KCNK17: variants seen among roughly 807,000 people sequenced by gnomAD.
KCNK17 encodes potassium two pore domain channel subfamily K member 17.
KCNK17 carries 27 observed loss-of-function variants against 24.6 expected under a neutral mutation model. The observed-to-expected ratio is 1.10, with a 90% confidence interval of 0.81 to 1.51. The LOEUF is 1.51. Among genes scored for constraint, KCNK17 ranks in the 40% most tolerant of loss-of-function variants. The pLI is 0.00. For missense variants in KCNK17, 450 were observed against 436.6 expected, an observed-to-expected ratio of 1.03 and a Z score of -0.27; for synonymous variants, 181 against 189.8, an observed-to-expected ratio of 0.95 and a Z score of 0.38.
rs58519096 is a variant in KCNK17, at chr6:39,313,032, G to A, written c.237+1052C>T. Among the ~76,000 whole-genome samples, 1,284 of 152,310 alleles carry A rather than the reference G, an allele frequency of 8.4e-3. 19 individuals carry two copies. The highest frequency in any genetic ancestry group is 0.029 in the African/African-American group (1,218 of 41,556). Reference sequence around the variant, plus strand: ...TTCCGGGGATTGGCTTTGGACTGGAGACTCTGGACGGATAAGCCACCAGGA... The same window carrying A: ...TTCCGGGGATTGGCTTTGGACTGGAAACTCTGGACGGATAAGCCACCAGGA... On this transcript the variant is annotated intron_variant, in intron 1 of 4. Coordinates refer to ENST00000373231, the MANE Select transcript of KCNK17 (RefSeq NM_031460.4).
intron 2 of KCNK17, among the ~76,000 whole-genome samples, chr6:39,306,856 C>T (rs1762047205): frequency 6.6e-6 from 1 of 151,614 alleles, no homozygotes. Flanking sequence ...CCTCTGACTC[C>T]CTGGTTTCAG....
intron 1 of KCNK17, among the ~76,000 whole-genome samples, chr6:39,311,355 G>A (rs1544050): frequency 0.6 from 91,677 of 151,964 alleles, 27,770 homozygotes; most frequent in South Asian, 0.72. Context: ...TAGGCCAGGC[G>A]TGATGTGTGG....
intron 1 of KCNK17, among the ~76,000 whole-genome samples, chr6:39,311,379 C>T (rs1762137017): frequency 6.6e-6 from 1 of 152,110 alleles, no homozygotes; most frequent in East Asian, 1.9e-4. Context: ...TTTTAGGGGA[C>T]GTGACCACAA....
At chr6:39,305,801 C>T (rs1165813889) in intron 2 of KCNK17, among the ~76,000 whole-genome samples, 2 of 152,176 alleles carry the variant, frequency 1.3e-5, no homozygotes, top group East Asian at 1.9e-4. Context: ...GCAGAACTCT[C>T]CAGGTCCACT....
chr6:39,303,439 T>C (rs1761977742), intron 4 of KCNK17, among the ~76,000 whole-genome samples: 1 of 152,216 alleles, frequency 6.6e-6, no homozygotes, highest in Non-Finnish European at 1.5e-5. Flanking sequence ...TAGGTTGGGT[T>C]GTGCCACTGA....
At position 39,314,216 on chromosome 6, in the gene KCNK17, C is replaced by G. The variant is rs201082190; in HGVS notation, c.105G>C (p.Leu35=). 7.7e-4 allele frequency: 1,188 copies of G among 1,543,164 alleles called. 6 individuals carry two copies. Among genetic ancestry groups the G allele is most frequent in the Non-Finnish European group, 3.0e-4 (346 of 1,148,656 alleles). ...CCAGCGTCCAGAACACGCCGGTGCC[C>G]AGCGCCAGGTAAGCCAGGTAGGCGA... ...LLLAYLAYLA[L]GTGVFWTLEG... The change falls in exon 1 of 5, where the codon CTG becomes CTC. Residue 35 remains leucine (L), a synonymous_variant. Transcript: ENST00000373231.
chr6:39,312,809 A>T (rs1194062703), intron 1 of KCNK17, among the ~76,000 whole-genome samples: 1 of 152,206 alleles, frequency 6.6e-6, no homozygotes, highest in African/African-American at 2.4e-5. Context: ...CAGCCTCAGC[A>T]CCAGGACCCA....
intron 2 of KCNK17, among the ~76,000 whole-genome samples, chr6:39,310,284 G>A (rs1367621152): frequency 6.6e-6 from 1 of 152,094 alleles, no homozygotes; most frequent in Non-Finnish European, 1.5e-5. Flanking sequence ...CAGCTCTTCC[G>A]CAGAGGAGGG....
chr6:39,309,104 T>A (rs1035897413), intron 2 of KCNK17, among the ~76,000 whole-genome samples: 2 of 152,190 alleles, frequency 1.3e-5, no homozygotes, highest in African/African-American at 4.8e-5. Flanking sequence ...GGCGGGTGGA[T>A]CACTTGAGGA....
chr6:39,299,963 G>T (rs1366522325), intron 4 of KCNK17, among the ~76,000 whole-genome samples: 1 of 152,168 alleles, frequency 6.6e-6, no homozygotes, highest in African/African-American at 2.4e-5. Flanking sequence ...CTTTCTGAGG[G>T]AATCTGTTTA....
intron 1 of KCNK17, among the ~76,000 whole-genome samples, chr6:39,311,803 T>C (rs1000052218): frequency 2.0e-5 from 3 of 152,078 alleles, no homozygotes; most frequent in Non-Finnish European, 4.4e-5. Context: ...GGAAGGATGT[T>C]TAGGTAGATG....
chr6:39,311,030 C>T lies in KCNK17; in HGVS notation c.238-23G>A, dbSNP rs376622939. The T allele has an allele frequency of 7.9e-5, 118 of 1,491,644 alleles. No homozygotes were observed. In the African/African-American group the frequency reaches 1.4e-3, roughly 18 times the overall value. The allele number at this position is 1,491,644 out of a possible 1,614,324, so 92.4% of individuals were successfully genotyped here. On this transcript the variant is annotated intron_variant, in intron 1 of 4. Coordinates refer to ENST00000373231, the MANE Select transcript of KCNK17 (RefSeq NM_031460.4). ...ATCCTGGGGAAGAGGCTGCAATGAC[C>T]ACCAGGCTCTGTGGGGTGATGGATT... is the stretch of plus-strand genomic sequence containing the variant.
intron 2 of KCNK17, among the ~76,000 whole-genome samples, chr6:39,307,936 T>G (rs1392956759): frequency 6.6e-6 from 1 of 152,244 alleles, no homozygotes; most frequent in Non-Finnish European, 1.5e-5. Context: ...TTGCACTTGC[T>G]GGCAGAGGAT....
chr6:39,305,738 C>G (rs936731825), intron 2 of KCNK17, among the ~76,000 whole-genome samples: 5 of 151,930 alleles, frequency 3.3e-5, no homozygotes, highest in Non-Finnish European at 7.3e-5. Context: ...CAGCCTTTCT[C>G]TGAGACTCGT....
chr6:39,308,548 C>T (rs1307470285), intron 2 of KCNK17, among the ~76,000 whole-genome samples: 1 of 152,222 alleles, frequency 6.6e-6, no homozygotes. Flanking sequence ...GCCTCGGCCT[C>T]CCAAAATGCT....
intron 4 of KCNK17, 135 bp from the exon 5 acceptor site, chr6:39,299,872 A>G (rs1485766565): frequency 5.6e-6 from 5 of 886,204 alleles, no homozygotes; most frequent in Non-Finnish European, 8.7e-6. Context: ...GGAGACTCCT[A>G]GCCTCATGGT....
At chr6:39,308,207 C>A (rs1209458981) in intron 2 of KCNK17, among the ~76,000 whole-genome samples, 1 of 152,168 alleles carries the variant, frequency 6.6e-6, no homozygotes, top group African/African-American at 2.4e-5. Flanking sequence ...TTTTGATTAC[C>A]ATTGTATCCT....
chr6:39,305,011 C>T (rs1762011285), intron 2 of KCNK17, among the ~76,000 whole-genome samples: 1 of 152,202 alleles, frequency 6.6e-6, no homozygotes, highest in African/African-American at 2.4e-5. Context: ...CAGATGGATG[C>T]TGGAGGGGGC....
Position 39,303,947 on chromosome 6 carries a change from G to A in KCNK17, c.688+10C>T. On this transcript the variant is annotated intron_variant, in intron 4 of 4. Coordinates refer to ENST00000373231, the MANE Select transcript of KCNK17 (RefSeq NM_031460.4). ...ATGTCCCCGCCAGCCCAACCGCCAG[G>A]AACTCTCACCAATCACGTAGTCGCC... 6.2e-7 allele frequency: 1 copy of A among 1,610,260 alleles called. No individual in the cohort carries two copies. The highest frequency in any genetic ancestry group is 1.3e-5 in the African/African-American group (1 of 75,054).
Sources: gnomAD v4.1 joint callset for allele counts (sites outside exome capture counted in the v4.1 genomes callset) on GRCh38, gnomAD v4.1.1 for gene constraint, MANE v1.5 for transcripts, NCBI Gene and HGNC (gene_info 2026-07-23, HGNC 2026-07-21) for gene names.